Variants in SGCD observed in about 807,000 individuals in gnomAD.
The protein encoded by SGCD is delta-sarcoglycan.
SGCD carries 18 observed loss-of-function variants against 36.6 expected under a neutral mutation model. That is an observed-to-expected ratio of 0.49 (90% CI 0.34 to 0.73). SGCD has a LOEUF of 0.73. SGCD is among the 30% of genes least tolerant of loss of function. The probability of loss-of-function intolerance (pLI) is 0.01; values close to 1 mark genes in which losing one functional copy is unlikely to be tolerated. For synonymous variants in SGCD, 133 were observed against 130.6 expected (o/e 1.02, Z -0.12); for missense variants, 387 against 346.7 (o/e 1.12, Z -0.92).
At chr5:156,360,663 G>A (rs528083349) in intron 3 of SGCD, among the ~76,000 whole-genome samples, 22 of 152,004 alleles carry the variant, frequency 1.4e-4, no homozygotes, top group African/African-American at 2.7e-4. Flanking sequence ...GTCAGTAGAG[G>A]GGGAGATGGC....
At chr5:155,789,187 G>A in the SGCD span, among the ~76,000 whole-genome samples, 19 of 152,174 alleles carry the variant, frequency 1.2e-4, no homozygotes, top group East Asian at 1.9e-4. Context: ...ATACACGGTC[G>A]TGTTGCTTAA....
chr5:156,675,462 G>A (rs556077960), intron 7 of SGCD, among the ~76,000 whole-genome samples: 1 of 152,236 alleles, frequency 6.6e-6, no homozygotes, highest in Non-Finnish European at 1.5e-5. Flanking sequence ...CAGATAATCA[G>A]GACAGCAATA....
At chr5:156,708,652 C>T (rs1005698652) in intron 7 of SGCD, among the ~76,000 whole-genome samples, 5 of 57,498 alleles carry the variant, frequency 8.7e-5, no homozygotes, top group African/African-American at 3.4e-4. Context: ...TAAAGCACTA[C>T]TCTTCAAATA....
chr5:156,215,926 A>G (rs750827802), intron 3 of SGCD, among the ~76,000 whole-genome samples: 3 of 152,236 alleles, frequency 2.0e-5, no homozygotes, highest in Non-Finnish European at 2.9e-5. Context: ...CTGACAGGAA[A>G]TCAAACAAAG....
At position 156,681,687 on chromosome 5, in the gene SGCD, G is replaced by C. The variant is rs150298933; in HGVS notation, c.575+34151G>C. 8.8e-4 allele frequency among the ~76,000 whole-genome samples: 134 copies of C among 152,334 alleles called. 1 individual carries two copies. The highest frequency in any genetic ancestry group is 2.9e-3 in the African/African-American group (122 of 41,576). The stretch of plus-strand genomic sequence containing the variant: ...AGGAACATTAGGTCTGGATGATAAA[G>C]AGTCTAGAATGTCATGCCAATAAGT... On this transcript the variant is annotated intron_variant, in intron 7 of 8. Transcript: ENST00000337851.
At position 156,546,076 on chromosome 5, in the gene SGCD, A is replaced by G. The variant is rs568071122; in HGVS notation, c.294+37374A>G. On this transcript the variant is annotated intron_variant, in intron 4 of 8. Coordinates refer to ENST00000337851, the MANE Select transcript of SGCD (RefSeq NM_000337.6). ...ACATTTGGAAAACACAGCACACTCT[A>G]TCTCCCCCTTGGATGTTAATATGAC... is the stretch of plus-strand genomic sequence containing the variant. Among the ~76,000 whole-genome samples the G allele has an allele frequency of 4.6e-5, 7 of 152,228 alleles. No homozygotes were observed. In the South Asian group the frequency reaches 8.3e-4, roughly 18 times the overall value.
chr5:156,214,902 G>C (rs1040871359), intron 3 of SGCD, among the ~76,000 whole-genome samples: 2 of 152,034 alleles, frequency 1.3e-5, no homozygotes, highest in Non-Finnish European at 2.9e-5. Flanking sequence ...ACATGTAGAA[G>C]AATGGAATTA....
At chr5:156,173,547 G>A (rs564002133) in intron 3 of SGCD, among the ~76,000 whole-genome samples, 7 of 152,226 alleles carry the variant, frequency 4.6e-5, no homozygotes, top group African/African-American at 1.7e-4. Flanking sequence ...GAAAAAAAGA[G>A]AGAATAAACA....
At chr5:156,415,190 C>T (rs1772961837) in intron 3 of SGCD, among the ~76,000 whole-genome samples, 1 of 152,104 alleles carries the variant, frequency 6.6e-6, no homozygotes, top group Non-Finnish European at 1.5e-5. Flanking sequence ...AATACAAACT[C>T]TTAAGGAATG....
chr5:156,609,678 A>C (rs2113453973), intron 6 of SGCD, among the ~76,000 whole-genome samples: 1 of 152,310 alleles, frequency 6.6e-6, no homozygotes, highest in Middle Eastern at 3.4e-3. Context: ...ACTTTCAGGT[A>C]CACCAATCAG....
intron 3 of SGCD, among the ~76,000 whole-genome samples, chr5:156,397,439 C>A (rs1032213055): frequency 6.6e-6 from 1 of 152,204 alleles, no homozygotes; most frequent in Non-Finnish European, 1.5e-5. Flanking sequence ...GACCCACAGG[C>A]TCTGGCTATA....
intron 3 of SGCD, among the ~76,000 whole-genome samples, chr5:156,368,910 A>G (rs892243978): frequency 2.0e-5 from 3 of 152,338 alleles, no homozygotes; most frequent in African/African-American, 2.4e-5. Context: ...AAAATAATAG[A>G]AAAAAAGTGC....
chr5:155,996,838 T>A (rs1452723524), intron 1 of SGCD, among the ~76,000 whole-genome samples: 1 of 146,522 alleles, frequency 6.8e-6, no homozygotes, highest in Admixed American at 6.8e-5. Flanking sequence ...GGCTGCCAAA[T>A]GGTAAATCTG....
chr5:156,010,362 G>A lies in SGCD; in HGVS notation c.-281-107516G>A, dbSNP rs190628629. 1.4e-4 allele frequency among the ~76,000 whole-genome samples: 21 copies of A among 152,206 alleles called. No homozygotes were observed. The East Asian group carries it at 3.9e-3, about 28-fold the overall frequency. The stretch of plus-strand genomic sequence containing the variant: ...TTTACAAAATTATAATTTAGTGTGG[G>A]AATATGTCCGATAGTTGTTAACATG... On this transcript the variant is annotated intron_variant, in intron 1 of 9. Coordinates refer to the SGCD transcript ENST00000517913.
intron 3 of SGCD, among the ~76,000 whole-genome samples, chr5:156,296,123 G>A (rs180962670): frequency 6.6e-6 from 1 of 152,164 alleles, no homozygotes; most frequent in Non-Finnish European, 1.5e-5. Context: ...GCAGGCACAA[G>A]TTCTGTGGAG....
the SGCD span, among the ~76,000 whole-genome samples, chr5:155,760,012 C>T: frequency 2.9e-5 from 3 of 101,866 alleles, no homozygotes; most frequent in East Asian, 9.1e-4. Context: ...CAGATTTTAT[C>T]CTCACCATCA....
At chr5:156,112,216 A>C (rs1421879329) in intron 1 of SGCD, among the ~76,000 whole-genome samples, 2 of 152,226 alleles carry the variant, frequency 1.3e-5, no homozygotes, top group Non-Finnish European at 2.9e-5. Flanking sequence ...GATTTTTACC[A>C]AATGGCTCGT....
intron 3 of SGCD, among the ~76,000 whole-genome samples, chr5:156,173,401 AC>A (rs1763388060): frequency 6.6e-6 from 1 of 152,186 alleles, no homozygotes; most frequent in Non-Finnish European, 1.5e-5. Flanking sequence ...ACACAAATAT[AC>A]AAACCCACAA....
chr5:155,790,270 C>G, the SGCD span, among the ~76,000 whole-genome samples: 1 of 151,792 alleles, frequency 6.6e-6, no homozygotes. Context: ...AGAAAGTTAC[C>G]CAAGACAGCA....
Sources: allele counts gnomAD v4.1 joint callset (sites outside exome capture counted in the v4.1 genomes callset), GRCh38; gene constraint gnomAD v4.1.1; transcripts MANE v1.5; gene names NCBI Gene and HGNC (gene_info 2026-07-23, HGNC 2026-07-21).